RB1CC1: variants seen among roughly 807,000 people sequenced by gnomAD.
RB1CC1 encodes the protein RB1-inducible coiled-coil protein 1.
A neutral mutation model predicts 177.5 loss-of-function variants in RB1CC1; 46 were observed. That is an observed-to-expected ratio of 0.26 (90% confidence interval 0.20 to 0.33). The LOEUF (loss-of-function observed/expected upper bound fraction) is 0.33. RB1CC1 is among the 10% of genes least tolerant of loss of function. RB1CC1 has a pLI of 1.00. For synonymous variants in RB1CC1, 666 were observed against 613.6 expected (o/e 1.09, Z -1.26); for missense variants, 1,703 against 1,816.3 (o/e 0.94, Z 1.13).
At chr8:52,700,804 T>C (rs566852054) in intron 1 of RB1CC1, among the ~76,000 whole-genome samples, 17 of 152,272 alleles carry the variant, frequency 1.1e-4, no homozygotes, top group South Asian at 8.3e-4. Flanking sequence ...CAAAAACAAA[T>C]TGCACCAACA....
chr8:52,631,233 C>G (rs183308276), intron 20 of RB1CC1, among the ~76,000 whole-genome samples: 1 of 152,038 alleles, frequency 6.6e-6, no homozygotes, highest in African/African-American at 2.4e-5. Context: ...GTTGTCCCAA[C>G]GAACAACAAC....
intron 7 of RB1CC1, among the ~76,000 whole-genome samples, chr8:52,673,196 A>C (rs1026381467): frequency 1.4e-4 from 21 of 152,324 alleles, no homozygotes; most frequent in African/African-American, 5.1e-4. Context: ...CAGCCTTCAC[A>C]ACATTATTTA....
intron 1 of RB1CC1, 123 bp from the exon 2 acceptor site, chr8:52,687,090 C>A (rs1854337110): frequency 1.1e-5 from 4 of 365,528 alleles, no homozygotes; most frequent in Non-Finnish European, 2.1e-5. Flanking sequence ...GGCCCTTCTA[C>A]TTGCACATTC....
chr8:52,699,858 T>TATATATATATATATATACATAC (rs756226534), intron 1 of RB1CC1, among the ~76,000 whole-genome samples: 1 of 102,794 alleles, frequency 9.7e-6, no homozygotes, highest in East Asian at 3.8e-4. Context: ...TATATATATA[T>TATATATATATATATATACATAC]ACACACAAAA....
rs750752806 is a variant in RB1CC1 at position 52,656,545 on chromosome 8, T to C, written c.3284A>G (p.Gln1095Arg). 1 of 1,611,134 alleles carries C rather than the reference T, an allele frequency of 6.2e-7. No individual in the cohort carries two copies. Among genetic ancestry groups the C allele is most frequent in the Non-Finnish European group, 8.5e-7 (1 of 1,179,342 alleles). Residue 1095 changes from glutamine (Q) to arginine (R), a missense_variant, in exon 15 of 24, where the codon CAA (glutamine) becomes CGA (arginine). Physicochemically the swap from Gln to Arg is conservative, Grantham distance 43 (BLOSUM62 1). Transcript: ENST00000025008. The part of the protein sequence containing the change: ...QKETLKSLLE[Q>R]ETENLRTEIS... ...TTCTGTTCTCAAATTTTCTGTCTCTTGTTCAAGAAGAGATTTCAAGGTCTC... is the reference window on the plus strand; with the variant it reads ...TTCTGTTCTCAAATTTTCTGTCTCTCGTTCAAGAAGAGATTTCAAGGTCTC...
chr8:52,623,683 T>C lies in RB1CC1; in HGVS notation c.*99A>G. 1 of 836,796 alleles carries C rather than the reference T, an allele frequency of 1.2e-6. No individual in the cohort carries two copies. Among genetic ancestry groups the C allele is most frequent in the Non-Finnish European group, 2.0e-6 (1 of 490,364 alleles). 51.8% of individuals were successfully genotyped at this position (836,796 alleles called of 1,614,324 possible). On this transcript the variant is annotated 3_prime_UTR_variant, in exon 24 of 24. Transcript: ENST00000025008. ...GTGAAGTATATTGTCACGCTGACTT[T>C]TGCATAAAAAGATGGCCTGCTGTTT... is the stretch of plus-strand genomic sequence containing the variant.
At chr8:52,647,252 G>A (rs1365413949) in intron 15 of RB1CC1, among the ~76,000 whole-genome samples, 5 of 152,128 alleles carry the variant, frequency 3.3e-5, no homozygotes, top group South Asian at 2.1e-4. Flanking sequence ...ACAGCCAAAT[G>A]CAGAATATGC....
intron 1 of RB1CC1, among the ~76,000 whole-genome samples, chr8:52,694,185 G>T (rs958774932): frequency 6.6e-6 from 1 of 152,126 alleles, no homozygotes; most frequent in African/African-American, 2.4e-5. Flanking sequence ...TTCAAATAGG[G>T]AACTCCACCC....
Position 52,656,797 on chromosome 8 carries a change from C to G in RB1CC1, c.3032G>C (p.Arg1011Thr), listed in dbSNP as rs768044719. ...CTTTTTTAATTCCTCCAAAGAAACT[C>G]TGTGGTCTGTCATAACCTTCTCAAA... is the stretch of plus-strand genomic sequence containing the variant. ...QEFEKVMTDH[R>T]VSLEELKKEN... is the part of the protein sequence containing the mutation. Residue 1011 changes from arginine (R) to threonine (T), a missense_variant, in exon 15 of 24, where the codon AGA becomes ACA. By Grantham distance (71) the Arg-to-Thr change is moderately conservative. Transcript: ENST00000025008. 1 of 1,613,878 alleles carries G rather than the reference C, an allele frequency of 6.2e-7. No homozygotes were observed. Among genetic ancestry groups the G allele is most frequent in the Non-Finnish European group, 8.5e-7 (1 of 1,179,956 alleles).
At chr8:52,635,199 C>T (rs555907811) in intron 19 of RB1CC1, among the ~76,000 whole-genome samples, 14 of 152,232 alleles carry the variant, frequency 9.2e-5, no homozygotes, top group South Asian at 4.2e-4. Flanking sequence ...CATTAATATG[C>T]GTTAGAAACA....
chr8:52,649,333 T>G (rs1346372240), intron 15 of RB1CC1, among the ~76,000 whole-genome samples: 1 of 152,122 alleles, frequency 6.6e-6, no homozygotes, highest in Non-Finnish European at 1.5e-5. Context: ...CACGGAAACT[T>G]GAAAAAAGGC....
chr8:52,676,952 T>C (rs762189213), intron 5 of RB1CC1, among the ~76,000 whole-genome samples: 23 of 152,212 alleles, frequency 1.5e-4, no homozygotes, highest in Non-Finnish European at 2.9e-4. Flanking sequence ...CTAAAATACG[T>C]CATCTACTTC....
chr8:52,665,325 CAG>C (rs1228374442), intron 8 of RB1CC1, among the ~76,000 whole-genome samples: 1 of 152,078 alleles, frequency 6.6e-6, no homozygotes, highest in African/African-American at 2.4e-5. Context: ...ACGCTGAAAA[CAG>C]AGAAATTACT....
At chr8:52,696,908 T>C (rs1855467596) in intron 1 of RB1CC1, among the ~76,000 whole-genome samples, 1 of 151,806 alleles carries the variant, frequency 6.6e-6, no homozygotes, top group South Asian at 2.1e-4. Context: ...GGGGCTGAGG[T>C]GGGAGGATTG....
chr8:52,707,756 G>A (rs573039992), intron 1 of RB1CC1, among the ~76,000 whole-genome samples: 4 of 152,130 alleles, frequency 2.6e-5, no homozygotes, highest in South Asian at 2.1e-4. Flanking sequence ...TGTCACCTCC[G>A]GTTCAGTACT....
Position 52,661,600 on chromosome 8 carries a change from T to C in RB1CC1, c.1293A>G (p.Leu431=). The change falls in exon 9 of 24, where the codon TTA becomes TTG. Residue 431 remains leucine, a synonymous_variant. Coordinates refer to ENST00000025008, the MANE Select transcript of RB1CC1 (RefSeq NM_014781.5). ...MIMLQNHRKL[L]DIKQKCTTAK... ...CAGTGGTACACTTCTGCTTAATATC[T>C]AACAGTTTTCTATGATTTTGCAACA... The C allele has an allele frequency of 6.2e-7, 1 of 1,612,950 alleles. No individual in the cohort carries two copies. Among genetic ancestry groups the C allele is most frequent in the Non-Finnish European group, 8.5e-7 (1 of 1,179,484 alleles).
intron 1 of RB1CC1, among the ~76,000 whole-genome samples, chr8:52,690,162 A>C (rs944160402): frequency 6.6e-6 from 1 of 152,242 alleles, no homozygotes; most frequent in Non-Finnish European, 1.5e-5. Flanking sequence ...TATTAAATAA[A>C]GATTTGCTGA....
At chr8:52,649,793 C>T (rs16918055) in intron 15 of RB1CC1, among the ~76,000 whole-genome samples, 4,429 of 152,318 alleles carry the variant, frequency 0.029, 243 homozygotes, top group African/African-American at 0.1. Context: ...CACATACACA[C>T]GTTCCACTCT....
chr8:52,666,251 C>A (rs984434627), intron 8 of RB1CC1, among the ~76,000 whole-genome samples: 1 of 151,844 alleles, frequency 6.6e-6, no homozygotes, highest in Admixed American at 6.6e-5. Context: ...TACGGCTGGG[C>A]GCCGTGGCTC....
Sources: gnomAD v4.1 joint callset for allele counts (sites outside exome capture counted in the v4.1 genomes callset) on GRCh38, gnomAD v4.1.1 for gene constraint, MANE v1.5 for transcripts, NCBI Gene and HGNC (gene_info 2026-07-23, HGNC 2026-07-21) for gene names.